The following ASMTL variants were observed in gnomAD, a reference collection of about 807,000 sequenced individuals.
ASMTL encodes probable bifunctional dTTP/UTP pyrophosphatase/methyltransferase protein.
A neutral mutation model predicts 60.3 loss-of-function variants in ASMTL; 57 were observed. That is an observed-to-expected ratio of 0.95 (90% CI 0.76 to 1.18). ASMTL has a LOEUF of 1.18. Ranked by LOEUF, ASMTL falls within the 50% of genes most tolerant of loss-of-function variation. The pLI, the probability that ASMTL is intolerant of heterozygous loss-of-function variation, is 0.00. For synonymous variants in ASMTL, 419 were observed against 373.0 expected (o/e 1.12, Z -1.42); for missense variants, 981 against 852.6 (o/e 1.15, Z -1.88).
At chrX:1,404,684 G>GGACA (rs1556652064) in intron 12 of ASMTL, among the ~76,000 whole-genome samples, 2 of 9,286 alleles carry the variant, frequency 2.2e-4, no homozygotes, top group Non-Finnish European at 1.6e-3. Flanking sequence ...GGTAGATGAT[G>GGACA]GGTAGGTAGA....
At chrX:1,418,859 C>T (rs1423889266) in intron 10 of ASMTL, 123 bp downstream of exon 10, 6 of 1,272,328 alleles carry the variant, frequency 4.7e-6, no homozygotes, top group Admixed American at 2.0e-5. Context: ...TCAGCCTGGC[C>T]CGGTTCAGGT....
At chrX:1,407,654 T>G (rs1441662823) in intron 12 of ASMTL, among the ~76,000 whole-genome samples, 1 of 150,826 alleles carries the variant, frequency 6.6e-6, no homozygotes, top group African/African-American at 2.4e-5. Context: ...GAGGCAGAGG[T>G]GGGAGGATGG....
At chrX:1,430,139 T>C (rs2090729502) in intron 6 of ASMTL, among the ~76,000 whole-genome samples, 1 of 151,936 alleles carries the variant, frequency 6.6e-6, no homozygotes, top group Admixed American at 6.6e-5. Flanking sequence ...CTCAGCCTCC[T>C]GGGTAGCTGG....
At chrX:1,449,546 G>T (rs1296239467) in intron 1 of ASMTL, among the ~76,000 whole-genome samples, 1 of 151,792 alleles carries the variant, frequency 6.6e-6, no homozygotes, top group Non-Finnish European at 1.5e-5. Context: ...GTCCCCAAGA[G>T]TAGACTCCTG....
At chrX:1,451,974 CT>C in intron 1 of ASMTL, among the ~76,000 whole-genome samples, 1 of 147,926 alleles carries the variant, frequency 6.8e-6, no homozygotes, top group Admixed American at 6.7e-5. Context: ...CTGGGTTACT[CT>C]CCCCACCCCC....
intron 6 of ASMTL, 105 bp from the exon 7 acceptor site, chrX:1,428,226 G>T: frequency 7.2e-7 from 1 of 1,396,380 alleles, no homozygotes; most frequent in Non-Finnish European, 9.6e-7. Flanking sequence ...GAGGTCGGGA[G>T]ATCGAGGCCA....
At chrX:1,449,921 C>G (rs1338784153) in intron 1 of ASMTL, among the ~76,000 whole-genome samples, 1 of 149,940 alleles carries the variant, frequency 6.7e-6, no homozygotes, top group Non-Finnish European at 1.5e-5. Context: ...CCCACCATCA[C>G]CAGTAACTAA....
intron 6 of ASMTL, among the ~76,000 whole-genome samples, chrX:1,431,232 T>C (rs1375933410): frequency 1.6e-5 from 2 of 125,312 alleles, no homozygotes; most frequent in Admixed American, 8.9e-5. Context: ...AATTATAAAT[T>C]ATATTTATAT....
In ASMTL at chrX:1,419,091, C is replaced by T. The variant is rs770211188; in HGVS notation, c.1269G>A (p.Glu423=). The change falls in exon 10 of 13, where the codon GAG becomes GAA. Residue 423 remains glutamate (E), a synonymous_variant. Coordinates refer to ENST00000381317, the MANE Select transcript of ASMTL (RefSeq NM_004192.4). ...LFQDAYYQSP[E]TRLRFMRAMH... ...TGGCCCGCATGAACCTCAGCCGCGT[C>T]TCCGGGCTCTGGTAGTACGCATCCT... is the stretch of plus-strand genomic sequence containing the variant. The T allele has an allele frequency of 4.4e-5, 71 of 1,611,246 alleles. No individual in the cohort carries two copies. The highest frequency in any genetic ancestry group is 5.9e-5 in the Non-Finnish European group (70 of 1,179,550).
chrX:1,412,050 C>T (rs2090049783), intron 12 of ASMTL, among the ~76,000 whole-genome samples: 1 of 151,726 alleles, frequency 6.6e-6, no homozygotes, highest in Non-Finnish European at 1.5e-5. Context: ...CCCCCGACCT[C>T]AGGTGATCCG....
rs747177925 is a variant in ASMTL, at chrX:1,412,714, C to G, written c.1645+18G>C. ...CTACGTCTTAACAAAAACAGCTAAC[C>G]TGACGATGGGCTCTCACCTGGCTTG... On this transcript the variant is annotated intron_variant, in intron 12 of 12. Coordinates refer to ENST00000381317, the MANE Select transcript of ASMTL (RefSeq NM_004192.4). 3 of 1,613,836 alleles carry G rather than the reference C, an allele frequency of 1.9e-6. No homozygotes were observed. Among genetic ancestry groups the G allele is most frequent in the Non-Finnish European group, 1.7e-6 (2 of 1,179,856 alleles).
chrX:1,424,853 T>TCCCC (rs2090572181), intron 8 of ASMTL, among the ~76,000 whole-genome samples: 4 of 96,614 alleles, frequency 4.1e-5, no homozygotes, highest in Non-Finnish European at 8.6e-5. Flanking sequence ...CATCTATCCA[T>TCCCC]CCACCCACCC....
At chrX:1,439,469 G>A (rs2091054211) in intron 2 of ASMTL, among the ~76,000 whole-genome samples, 1 of 152,198 alleles carries the variant, frequency 6.6e-6, no homozygotes, top group African/African-American at 2.4e-5. Context: ...GGCAGGTAAG[G>A]TTTGATTCAG....
chrX:1,453,427 G>T (rs1408476194), upstream of ASMTL, among the ~76,000 whole-genome samples: 4 of 133,586 alleles, frequency 3.0e-5, no homozygotes, highest in Admixed American at 7.5e-5. Context: ...CCCCGCCCCC[G>T]GCGCTCGCCC....
At chrX:1,430,762 AC>A (rs1395553360) in intron 6 of ASMTL, among the ~76,000 whole-genome samples, 1 of 148,150 alleles carries the variant, frequency 6.7e-6, no homozygotes, top group Non-Finnish European at 1.5e-5. Flanking sequence ...ACAGAGTGAG[AC>A]CGTGTCTCAA....
At chrX:1,424,540 ACATCCATC>A (rs764348448) in intron 8 of ASMTL, among the ~76,000 whole-genome samples, 1 of 75,498 alleles carries the variant, frequency 1.3e-5, no homozygotes, top group African/African-American at 3.9e-5. Flanking sequence ...ATCCATCCAC[ACATCCATC>A]CATCCATCCA....
intron 2 of ASMTL, among the ~76,000 whole-genome samples, chrX:1,441,234 T>A (rs776342104): frequency 6.6e-6 from 1 of 152,298 alleles, no homozygotes; most frequent in South Asian, 2.1e-4. Flanking sequence ...TAATTGTATA[T>A]CATCAACGAG....
Position 1,421,645 on chromosome X carries a change from G to A in ASMTL, c.1245+13C>T. 3 of 1,613,740 alleles carry A rather than the reference G, an allele frequency of 1.9e-6. No individual in the cohort carries two copies. The highest frequency in any genetic ancestry group is 2.2e-5 in the East Asian group (1 of 44,878). ...CGCTAGACGGAAAGGTGTCCGCGGGGGTGTTATGCTACCTGGAACAGATCT... is the reference window on the plus strand; with the variant it reads ...CGCTAGACGGAAAGGTGTCCGCGGGAGTGTTATGCTACCTGGAACAGATCT... On this transcript the variant is annotated intron_variant, in intron 9 of 12. Coordinates refer to ENST00000381317, the MANE Select transcript of ASMTL (RefSeq NM_004192.4).
At chrX:1,439,068 T>C in intron 3 of ASMTL, 29 bp downstream of exon 3, 3 of 1,612,934 alleles carry the variant, frequency 1.9e-6, no homozygotes, top group Non-Finnish European at 2.5e-6. Context: ...CATCGGACAT[T>C]AGAAACGAGG....
Sources: gnomAD v4.1 joint callset for allele counts (sites outside exome capture counted in the v4.1 genomes callset) on GRCh38, gnomAD v4.1.1 for gene constraint, MANE v1.5 for transcripts, NCBI Gene and HGNC (gene_info 2026-07-23, HGNC 2026-07-21) for gene names.